The following PI4K2B variants were observed in gnomAD, a reference collection of about 807,000 sequenced individuals.
PI4K2B encodes the protein phosphatidylinositol 4-kinase type 2-beta.
A neutral mutation model predicts 56.6 loss-of-function variants in PI4K2B; 46 were observed. That is an observed-to-expected ratio of 0.81 (90% CI 0.64 to 1.04). PI4K2B has a LOEUF of 1.04. Among genes scored for constraint, PI4K2B ranks in the 50% least tolerant of loss-of-function variants. PI4K2B has a pLI of 0.00. For synonymous variants in PI4K2B, 211 were observed against 223.8 expected (o/e 0.94, Z 0.51); for missense variants, 556 against 607.7 (o/e 0.91, Z 0.89).
intron 5 of PI4K2B, among the ~76,000 whole-genome samples, chr4:25,259,963 A>G (rs1018770108): frequency 6.6e-6 from 1 of 152,216 alleles, no homozygotes; most frequent in African/African-American, 2.4e-5. Flanking sequence ...GCAAGTGGGT[A>G]CTGGCAGGCT....
At chr4:25,270,629 T>A (rs1238645223) in intron 9 of PI4K2B, among the ~76,000 whole-genome samples, 4 of 151,986 alleles carry the variant, frequency 2.6e-5, no homozygotes, top group African/African-American at 9.7e-5. Flanking sequence ...TACAGGTGTG[T>A]GCCACCGTGC....
At chr4:25,257,145 C>T (rs1302892766) in intron 4 of PI4K2B, among the ~76,000 whole-genome samples, 2 of 151,614 alleles carry the variant, frequency 1.3e-5, no homozygotes, top group African/African-American at 2.4e-5. Context: ...GCAGCCTCGA[C>T]CTCGTGGGCT....
At chr4:25,260,502 A>G (rs564254928) in intron 5 of PI4K2B, 22 bp from the exon 6 acceptor site, 2 of 1,209,404 alleles carry the variant, frequency 1.7e-6, no homozygotes, top group Admixed American at 5.4e-5. Flanking sequence ...GAAGTAACAG[A>G]TTTTCTTGTT....
chr4:25,255,376 G>A, intron 3 of PI4K2B, 111 bp downstream of exon 3: 2 of 876,588 alleles, frequency 2.3e-6, no homozygotes, highest in Non-Finnish European at 3.6e-6. Flanking sequence ...CCCCTTTTTT[G>A]GTAGTAGTCC....
At chr4:25,235,856 A>G (rs1715238879) in intron 1 of PI4K2B, among the ~76,000 whole-genome samples, 1 of 152,174 alleles carries the variant, frequency 6.6e-6, no homozygotes, top group Admixed American at 6.5e-5. Context: ...GGCTAGAAAA[A>G]AATCAAAGCG....
intron 6 of PI4K2B, among the ~76,000 whole-genome samples, chr4:25,261,631 T>G (rs1716481415): frequency 6.6e-6 from 1 of 152,226 alleles, no homozygotes; most frequent in Non-Finnish European, 1.5e-5. Context: ...AAATACATAT[T>G]CGTAGCACTT....
intron 7 of PI4K2B, among the ~76,000 whole-genome samples, chr4:25,266,778 G>A (rs1716677674): frequency 6.6e-6 from 1 of 152,120 alleles, no homozygotes; most frequent in Admixed American, 6.6e-5. Flanking sequence ...TGGGATATGA[G>A]AGAGAGGAAA....
intron 5 of PI4K2B, among the ~76,000 whole-genome samples, chr4:25,260,254 C>T (rs901641267): frequency 6.6e-6 from 1 of 151,958 alleles, no homozygotes; most frequent in African/African-American, 2.4e-5. Flanking sequence ...ATTGTATCAC[C>T]TCACAGGGTA....
chr4:25,234,766 C>T (rs555833586), intron 1 of PI4K2B, among the ~76,000 whole-genome samples: 2 of 152,352 alleles, frequency 1.3e-5, no homozygotes, highest in African/African-American at 4.8e-5. Context: ...CAAGTTTGGA[C>T]TTGACTTTTG....
intron 1 of PI4K2B, among the ~76,000 whole-genome samples, chr4:25,237,710 C>CA (rs964426708): frequency 2.6e-5 from 4 of 152,138 alleles, no homozygotes; most frequent in Non-Finnish European, 5.9e-5. Flanking sequence ...TGGTGGCTTA[C>CA]GCCTGTAATC....
intron 9 of PI4K2B, among the ~76,000 whole-genome samples, chr4:25,270,073 G>C (rs2109024382): frequency 6.6e-6 from 1 of 152,228 alleles, no homozygotes; most frequent in East Asian, 1.9e-4. Flanking sequence ...TGTTTCCCCT[G>C]CTATGAATTG....
At chr4:25,256,441 A>T in intron 3 of PI4K2B, 102 bp from the exon 4 acceptor site, 1 of 1,129,918 alleles carries the variant, frequency 8.9e-7, no homozygotes, top group Non-Finnish European at 1.3e-6. Flanking sequence ...TTACAGGATT[A>T]AACTTTGCTA....
At chr4:25,266,046 G>A (rs1306271569) in intron 7 of PI4K2B, among the ~76,000 whole-genome samples, 4 of 150,266 alleles carry the variant, frequency 2.7e-5, no homozygotes, top group Non-Finnish European at 4.4e-5. Context: ...TTTTTAATCA[G>A]TGTGAAATAT....
At chr4:25,249,484 G>GC (rs1006580450) in intron 1 of PI4K2B, among the ~76,000 whole-genome samples, 1 of 146,194 alleles carries the variant, frequency 6.8e-6, no homozygotes, top group Non-Finnish European at 1.5e-5. Flanking sequence ...GGCGGGGGCT[G>GC]CCCCCCGCCT....
At position 25,234,223 on chromosome 4, in the gene PI4K2B, G is replaced by C; in HGVS notation, c.60G>C (p.Glu20Asp). The C allele has an allele frequency of 7.0e-7, 1 of 1,423,966 alleles. No homozygotes were observed. The highest frequency in any genetic ancestry group is 9.2e-7 in the Non-Finnish European group (1 of 1,088,186). 88.2% of individuals were successfully genotyped at this position (1,423,966 alleles called of 1,614,324 possible). The change falls in exon 1 of 10, where the codon GAG (glutamate) becomes GAC (aspartate). Residue 20 changes from glutamate (E) to aspartate (D), a missense_variant. Glu to Asp is a conservative substitution (Grantham distance 45, BLOSUM62 2). Transcript: ENST00000264864. Reference sequence around the variant, plus strand: ...CCGCGGACGGCGGGAGCCCGGAGGAGGAGGAGGATGGGGAGCGGGAGCCGC... The same window carrying C: ...CCGCGGACGGCGGGAGCCCGGAGGACGAGGAGGATGGGGAGCGGGAGCCGC... ...LASADGGSPE[E>D]EEDGEREPLL...
At chr4:25,248,895 A>G (rs1459982829) in intron 1 of PI4K2B, among the ~76,000 whole-genome samples, 1 of 152,048 alleles carries the variant, frequency 6.6e-6, no homozygotes, top group African/African-American at 2.4e-5. Flanking sequence ...ACAATAGTGG[A>G]GGGAAGGTCA....
Position 25,259,605 on chromosome 4 carries a change from G to A in PI4K2B, c.910+415G>A, listed in dbSNP as rs893078702. ...ATAAAGGAGCAATGACGTAGACCAG[G>A]GATGTCCAGTCTTTTGGCTTCCCTG... On this transcript the variant is annotated intron_variant, in intron 5 of 9. Coordinates refer to ENST00000264864, the MANE Select transcript of PI4K2B (RefSeq NM_018323.4). Among the ~76,000 whole-genome samples, 14 of 152,004 alleles carry A rather than the reference G, an allele frequency of 9.2e-5. No individual in the cohort carries two copies. The East Asian group carries it at 2.7e-3, about 29-fold the overall frequency.
intron 9 of PI4K2B, among the ~76,000 whole-genome samples, chr4:25,269,570 C>T (rs1479746724): frequency 2.0e-5 from 3 of 149,558 alleles, no homozygotes; most frequent in Non-Finnish European, 3.0e-5. Flanking sequence ...ACTCGGGAGG[C>T]AGAGGTTGCA....
chr4:25,251,317 G>T (rs1244676298), intron 1 of PI4K2B, among the ~76,000 whole-genome samples: 1 of 152,112 alleles, frequency 6.6e-6, no homozygotes, highest in Non-Finnish European at 1.5e-5. Context: ...TGGAAGAGGA[G>T]GTGTTGGGAA....
Sources: allele counts gnomAD v4.1 joint callset (sites outside exome capture counted in the v4.1 genomes callset), GRCh38; gene constraint gnomAD v4.1.1; transcripts MANE v1.5; gene names NCBI Gene and HGNC (gene_info 2026-07-23, HGNC 2026-07-21).